The following TMPRSS2 variants were observed in gnomAD, a reference collection of about 807,000 sequenced individuals.
TMPRSS2 encodes the protein transmembrane protease serine 2.
A neutral mutation model predicts 67.4 loss-of-function variants in TMPRSS2; 59 were observed. The observed-to-expected ratio is 0.88, with a 90% CI of 0.71 to 1.09. TMPRSS2 has a LOEUF of 1.09. Ranked by LOEUF, TMPRSS2 falls within the 50% of genes least tolerant of loss-of-function variation. The probability of loss-of-function intolerance (pLI) is 0.00; values close to 1 mark genes in which losing one functional copy is unlikely to be tolerated. For missense variants in TMPRSS2, 668 were observed against 642.7 expected (o/e 1.04, Z -0.43); for synonymous variants, 257 against 257.0 (o/e 1.00, Z 0.00).
chr21:41,492,428 A>C (rs1186545788), intron 3 of TMPRSS2, among the ~76,000 whole-genome samples: 1 of 152,222 alleles, frequency 6.6e-6, no homozygotes, highest in Non-Finnish European at 1.5e-5. Flanking sequence ...GCTGTTGCTA[A>C]AGCAAATAAA....
At chr21:41,471,090 C>T (rs2091129648) in intron 10 of TMPRSS2, among the ~76,000 whole-genome samples, 1 of 152,218 alleles carries the variant, frequency 6.6e-6, no homozygotes, top group Non-Finnish European at 1.5e-5. Flanking sequence ...TCAGCTTTCG[C>T]CCCAGAGGCA....
chr21:41,494,692 G>GT (rs1321529013), intron 2 of TMPRSS2, 114 bp from the exon 3 acceptor site: 1 of 1,017,360 alleles, frequency 9.8e-7, no homozygotes, highest in Non-Finnish European at 1.5e-6. Flanking sequence ...AATTGATAAT[G>GT]TTTTTATTTT....
intron 9 of TMPRSS2, among the ~76,000 whole-genome samples, chr21:41,472,614 C>T (rs1034091291): frequency 4.6e-5 from 7 of 152,072 alleles, no homozygotes; most frequent in Non-Finnish European, 7.4e-5. Flanking sequence ...CATAACAGCC[C>T]GAGAGGAGAA....
intron 8 of TMPRSS2, among the ~76,000 whole-genome samples, chr21:41,476,117 G>C (rs2091210579): frequency 6.6e-6 from 1 of 152,190 alleles, no homozygotes; most frequent in East Asian, 1.9e-4. Flanking sequence ...GAAGAGGCAA[G>C]AGCACTGTTG....
chr21:41,487,501 A>G (rs564199636), intron 5 of TMPRSS2: 7 of 152,318 alleles, frequency 4.6e-5, no homozygotes, highest in African/African-American at 1.7e-4. Flanking sequence ...TTAATAAACT[A>G]TATGTTGCAT....
intron 13 of TMPRSS2, among the ~76,000 whole-genome samples, chr21:41,466,628 C>A (rs1326413936): frequency 1.3e-5 from 2 of 152,156 alleles, no homozygotes; most frequent in Admixed American, 1.3e-4. Context: ...CAGGTGACGC[C>A]CCCTGGGCCC....
chr21:41,473,903 G>A (rs1274641308), intron 8 of TMPRSS2, among the ~76,000 whole-genome samples: 2 of 118,386 alleles, frequency 1.7e-5, no homozygotes, highest in Non-Finnish European at 3.5e-5. Flanking sequence ...AGGTGAGTGA[G>A]AAGGTGAAGG....
Position 41,473,360 on chromosome 21 carries a change from G to A in TMPRSS2, c.864C>T (p.Pro288=), listed in dbSNP as rs771244584. ...AGTGGGCGGCTGTCACGATCCACTC[G>A]GGGGTGATGATGGAGCCTCCGCACA... ...VHVCGGSIIT[P]EWIVTAAHCV... Residue 288 remains proline (P), a synonymous_variant, in exon 9 of 14, where the codon CCC becomes CCT. Coordinates refer to ENST00000332149, the MANE Select transcript of TMPRSS2 (RefSeq NM_005656.4). 22 of 1,608,648 alleles carry A rather than the reference G, an allele frequency of 1.4e-5. No individual in the cohort carries two copies. Among genetic ancestry groups the A allele is most frequent in the South Asian group, 3.3e-5 (3 of 90,364 alleles).
intron 1 of TMPRSS2, 94 bp downstream of exon 1, chr21:41,507,987 G>C (rs1601595780): frequency 2.1e-6 from 3 of 1,437,222 alleles, no homozygotes; most frequent in East Asian, 6.0e-5. Flanking sequence ...TTTCACCTCC[G>C]GGCGGGGCAG....
intron 5 of TMPRSS2, among the ~76,000 whole-genome samples, chr21:41,482,089 A>AAAATAAATAAT (rs2091261512): frequency 6.6e-6 from 1 of 152,046 alleles, no homozygotes; most frequent in South Asian, 2.1e-4. Flanking sequence ...TAATAAGATA[A>AAAATAAATAAT]AAGGTTTTTT....
intron 1 of TMPRSS2, among the ~76,000 whole-genome samples, chr21:41,501,198 C>G (rs769373317): frequency 1.3e-5 from 2 of 152,214 alleles, no homozygotes; most frequent in Non-Finnish European, 2.9e-5. Context: ...CAGAGGCAGT[C>G]ACAGGATAAT....
chr21:41,466,012 A>G lies in TMPRSS2; in HGVS notation c.*130T>C. 2 of 1,182,584 alleles carry G rather than the reference A, an allele frequency of 1.7e-6. No homozygotes were observed. The highest frequency in any genetic ancestry group is 2.5e-6 in the Non-Finnish European group (2 of 815,696). 73.3% of individuals were successfully genotyped at this position (1,182,584 alleles called of 1,614,324 possible). ...CAGAATGGCAGAGAGTGCCAAAGCC[A>G]GACAAGTTCACTGTTTAATAAAAAT... On this transcript the variant is annotated 3_prime_UTR_variant, in exon 14 of 14. Transcript: ENST00000332149.
At chr21:41,499,788 A>C (rs953284046) in intron 1 of TMPRSS2, among the ~76,000 whole-genome samples, 2 of 152,174 alleles carry the variant, frequency 1.3e-5, no homozygotes, top group African/African-American at 4.8e-5. Flanking sequence ...CCATTTTAAC[A>C]AGTCTCATTG....
chr21:41,489,383 G>C, intron 4 of TMPRSS2, 124 bp downstream of exon 4: 3 of 671,172 alleles, frequency 4.5e-6, no homozygotes, highest in Admixed American at 2.9e-5. Flanking sequence ...AGACAGCCTC[G>C]TTATGTAAGA....
intron 3 of TMPRSS2, among the ~76,000 whole-genome samples, chr21:41,493,928 C>T (rs1198567052): frequency 6.6e-6 from 1 of 152,236 alleles, no homozygotes; most frequent in African/African-American, 2.4e-5. Flanking sequence ...CACAAAGTAA[C>T]AGAGAGCATC....
intron 1 of TMPRSS2, among the ~76,000 whole-genome samples, chr21:41,506,834 C>T (rs538226704): frequency 1.4e-3 from 219 of 152,336 alleles, no homozygotes; most frequent in Non-Finnish European, 2.5e-3. Context: ...TCGGGAGGTT[C>T]TCGCGGCTGG....
At position 41,494,594 on chromosome 21, in the gene TMPRSS2, G is replaced by T. The variant is rs754124790; in HGVS notation, c.16-16C>A. ...GTGGTGACCCCTAAACAGTTGAAAAGAAGATGAATAATATAAAACTCTTAT... is the reference window on the plus strand; with the variant it reads ...GTGGTGACCCCTAAACAGTTGAAAATAAGATGAATAATATAAAACTCTTAT... On this transcript the variant is annotated splice_polypyrimidine_tract_variant and intron_variant, in intron 2 of 13. Transcript: ENST00000332149. 3.1e-6 allele frequency: 5 copies of T among 1,609,940 alleles called. No homozygotes were observed. The highest frequency in any genetic ancestry group is 3.3e-4 in the Middle Eastern group (2 of 6,076).
rs2146482884 is a variant in TMPRSS2, at chr21:41,494,345, G to A, written c.238+11C>T. The stretch of plus-strand genomic sequence containing the variant: ...GTTTATTACAGGAAATAAACACAAA[G>A]AGAATCCTACTTGAGGTGCACACTG... On this transcript the variant is annotated intron_variant, in intron 3 of 13. Transcript: ENST00000332149. 1 of 1,611,636 alleles carries A rather than the reference G, an allele frequency of 6.2e-7. No homozygotes were observed. The highest frequency in any genetic ancestry group is 8.5e-7 in the Non-Finnish European group (1 of 1,179,412).
intron 10 of TMPRSS2, among the ~76,000 whole-genome samples, 177 bp downstream of exon 10, chr21:41,471,629 C>A (rs2091133931): frequency 6.6e-6 from 1 of 152,190 alleles, no homozygotes; most frequent in Non-Finnish European, 1.5e-5. Flanking sequence ...GCTGCCTCCC[C>A]CAAAATGCGG....
Sources: gnomAD v4.1 joint callset for allele counts (sites outside exome capture counted in the v4.1 genomes callset) on GRCh38, gnomAD v4.1.1 for gene constraint, MANE v1.5 for transcripts, NCBI Gene and HGNC (gene_info 2026-07-23, HGNC 2026-07-21) for gene names.